ZNF18: variants seen among roughly 807,000 people sequenced by gnomAD.
The protein encoded by ZNF18 is zinc finger protein 18, also known as heart development-specific gene 1 protein.
A neutral mutation model predicts 58.1 loss-of-function variants in ZNF18; 42 were observed. That is an observed-to-expected ratio of 0.72 (90% CI 0.56 to 0.93). ZNF18 has a LOEUF of 0.93. Ranked by LOEUF, ZNF18 falls within the 40% of genes least tolerant of loss-of-function variation. The pLI is 0.00. For synonymous variants in ZNF18, 231 were observed against 239.8 expected (o/e 0.96, Z 0.34); for missense variants, 540 against 644.2 (o/e 0.84, Z 1.75).
At position 11,991,179 on chromosome 17, in the gene ZNF18, T is replaced by C; in HGVS notation, c.388-16A>G. On this transcript the variant is annotated splice_polypyrimidine_tract_variant and intron_variant, in intron 2 of 6. Transcript: ENST00000580306. ...GGATACTGATCTAGAGACCATATAT[T>C]AATTAGTAATTACTGAAGAATCCAG... is the stretch of plus-strand genomic sequence containing the variant. 6.3e-7 allele frequency: 1 copy of C among 1,598,898 alleles called. No individual in the cohort carries two copies. Among genetic ancestry groups the C allele is most frequent in the Non-Finnish European group, 8.6e-7 (1 of 1,168,578 alleles).
Position 11,980,397 on chromosome 17 carries a change from A to C in ZNF18, c.863-1653T>G, listed in dbSNP as rs141588851. ...TCTTTAACTCTTTCTATATCAACAA[A>C]AATAATCATTTATCTGTCATGGTCA... On this transcript the variant is annotated intron_variant, in intron 6 of 6. Coordinates refer to ENST00000580306, the MANE Select transcript of ZNF18 (RefSeq NM_001303281.2). Among the ~76,000 whole-genome samples, 4 of 152,224 alleles carry C rather than the reference A, an allele frequency of 2.6e-5. No individual in the cohort carries two copies. In the East Asian group the frequency reaches 7.7e-4, roughly 29 times the overall value.
intron 1 of ZNF18, among the ~76,000 whole-genome samples, chr17:11,996,491 C>T (rs981458257): frequency 6.6e-6 from 1 of 151,816 alleles, no homozygotes; most frequent in African/African-American, 2.4e-5. Flanking sequence ...ATTATACTCC[C>T]AGGTAGTGTG....
the ZNF18 span, chr17:12,011,389 T>C: frequency 5.7e-6 from 1 of 174,336 alleles, no homozygotes; most frequent in Non-Finnish European, 1.2e-5. Context: ...ATCATTTTTA[T>C]TATTATTTTT....
At chr17:11,990,590 T>C (rs1248281153) in intron 3 of ZNF18, 40 bp from the exon 4 acceptor site, 5 of 1,539,386 alleles carry the variant, frequency 3.2e-6, no homozygotes, top group East Asian at 2.3e-5. Context: ...CTGGATGTCT[T>C]CCTTAACCAC....
At chr17:11,980,388 T>G (rs1391083176) in intron 6 of ZNF18, among the ~76,000 whole-genome samples, 1 of 152,196 alleles carries the variant, frequency 6.6e-6, no homozygotes, top group African/African-American at 2.4e-5. Flanking sequence ...ACTCTTTCTA[T>G]ATCAACAAAA....
chr17:11,994,795 C>T (rs560627576), intron 1 of ZNF18, among the ~76,000 whole-genome samples: 112 of 152,032 alleles, frequency 7.4e-4, no homozygotes, highest in African/African-American at 2.6e-3. Flanking sequence ...GAGCTGAGAT[C>T]GTGCCACTGC....
rs9916551 is a variant in ZNF18, at chr17:11,987,424, G to A, written c.666+3038C>T. On this transcript the variant is annotated intron_variant, in intron 4 of 6. Coordinates refer to ENST00000580306, the MANE Select transcript of ZNF18 (RefSeq NM_001303281.2). ...TTAAAAATTCCTTTTACTTCCAAAG[G>A]ATTCCATTAAATATCAAAGTCTTTC... Among the ~76,000 whole-genome samples, 314 of 152,260 alleles carry A rather than the reference G, an allele frequency of 2.1e-3. 2 individuals carry two copies. Among genetic ancestry groups the A allele is most frequent in the African/African-American group, 7.0e-3 (292 of 41,538 alleles).
the ZNF18 span, among the ~76,000 whole-genome samples, chr17:12,013,872 C>T: frequency 7.2e-5 from 11 of 152,160 alleles, no homozygotes; most frequent in African/African-American, 2.4e-4. Context: ...AGTAAGACAA[C>T]AAACCTGTAT....
At chr17:12,016,324 T>A in the ZNF18 span, among the ~76,000 whole-genome samples, 1 of 151,992 alleles carries the variant, frequency 6.6e-6, no homozygotes. Context: ...ATTATTATTA[T>A]TTCAAATTAT....
chr17:12,002,636 T>C, the ZNF18 span, among the ~76,000 whole-genome samples: 1 of 152,184 alleles, frequency 6.6e-6, no homozygotes, highest in Non-Finnish European at 1.5e-5. Flanking sequence ...CTCTGTCTGC[T>C]GCATTTGTCC....
intron 4 of ZNF18, among the ~76,000 whole-genome samples, chr17:11,988,146 A>G (rs1330026898): frequency 3.3e-5 from 5 of 152,108 alleles, no homozygotes; most frequent in Non-Finnish European, 5.9e-5. Flanking sequence ...ACTTTTATGT[A>G]CAAGCAAAAA....
At chr17:12,021,074 G>C in the ZNF18 span, 1 of 888,104 alleles carries the variant, frequency 1.1e-6, no homozygotes, top group Non-Finnish European at 1.5e-6. Flanking sequence ...CTGCCCCAGC[G>C]GACGCCCCCG....
At chr17:11,990,702 A>G in intron 3 of ZNF18, 152 bp from the exon 4 acceptor site, 2 of 719,040 alleles carry the variant, frequency 2.8e-6, no homozygotes, top group Non-Finnish European at 2.3e-6. Context: ...TCTCCCTGAC[A>G]CACTCCAACC....
the ZNF18 span, among the ~76,000 whole-genome samples, chr17:12,014,301 C>A: frequency 2.0e-5 from 3 of 152,174 alleles, no homozygotes; most frequent in Non-Finnish European, 4.4e-5. Flanking sequence ...CACAAGAGAT[C>A]TGAAAATATA....
chr17:11,991,962 G>A (rs557631784), intron 2 of ZNF18, among the ~76,000 whole-genome samples: 1 of 152,040 alleles, frequency 6.6e-6, no homozygotes, highest in Non-Finnish European at 1.5e-5. Context: ...GGAGGTACTG[G>A]TAACGTAGCA....
intron 1 of ZNF18, among the ~76,000 whole-genome samples, chr17:11,994,657 C>T (rs1434238190): frequency 1.3e-5 from 2 of 151,930 alleles, no homozygotes; most frequent in Admixed American, 6.6e-5. Context: ...CTGGCTAACA[C>T]GGTGAAACCC....
chr17:12,015,663 T>A, the ZNF18 span, among the ~76,000 whole-genome samples: 1 of 152,216 alleles, frequency 6.6e-6, no homozygotes, highest in Non-Finnish European at 1.5e-5. Flanking sequence ...TTTTAGCATA[T>A]CTCTATCCAT....
At chr17:11,997,387 C>T (rs1269698730) in intron 1 of ZNF18, 44 bp downstream of exon 1, 3 of 152,236 alleles carry the variant, frequency 2.0e-5, no homozygotes, top group Admixed American at 1.3e-4. Flanking sequence ...CAAGGCCTGA[C>T]CCCGAGCGGC....
intron 6 of ZNF18, 54 bp from the exon 7 acceptor site, chr17:11,978,798 A>G (rs1967151293): frequency 8.9e-7 from 1 of 1,123,468 alleles, no homozygotes; most frequent in African/African-American, 1.6e-5. Flanking sequence ...CTGTTTTCTA[A>G]CTCATATGTC....
Sources: allele counts gnomAD v4.1 joint callset (sites outside exome capture counted in the v4.1 genomes callset), GRCh38; gene constraint gnomAD v4.1.1; transcripts MANE v1.5; gene names NCBI Gene and HGNC (gene_info 2026-07-23, HGNC 2026-07-21).